The following GLT1D1 variants were observed in gnomAD, a reference collection of about 807,000 sequenced individuals.
GLT1D1 encodes glycosyltransferase 1 domain-containing protein 1.
Under a neutral mutation model 28.7 loss-of-function variants are expected in GLT1D1, and 21 were observed. That is an observed-to-expected ratio of 0.73 (90% CI 0.52 to 1.05). The LOEUF is 1.05. Among genes scored for constraint, GLT1D1 ranks in the 50% least tolerant of loss-of-function variants. GLT1D1 has a pLI of 0.00. For synonymous variants in GLT1D1, 147 were observed against 124.8 expected, an observed-to-expected ratio of 1.18 and a Z score of -1.19; for missense variants, 343 against 330.6, an observed-to-expected ratio of 1.04 and a Z score of -0.29.
chr12:128,872,151 A>G (rs1956706392), intron 1 of GLT1D1, among the ~76,000 whole-genome samples: 1 of 152,040 alleles, frequency 6.6e-6, no homozygotes, highest in Admixed American at 6.6e-5. Flanking sequence ...ACAGGGTTTC[A>G]CCATGTTGGT....
chr12:128,879,378 T>TTTTCTTTCTTTCTTTCTTTCTTTC lies in GLT1D1; in HGVS notation c.217+3376_217+3399dup, dbSNP rs572806857. ...AAAGTGATACTTATTATTTTTTTCT[T>TTTTCTTTCTTTCTTTCTTTCTTTC]TTTCTTTCTTTCTTTCTTTCTTTCT... is the stretch of plus-strand genomic sequence containing the variant. On this transcript the variant is annotated intron_variant, in intron 2 of 7. Transcript: ENST00000281703. Among the ~76,000 whole-genome samples, 263 of 69,866 alleles carry TTTTCTTTCTTTCTTTCTTTCTTTC rather than the reference T, an allele frequency of 3.8e-3. 4 individuals carry two copies. The highest frequency in any genetic ancestry group is 5.1e-3 in the East Asian group (12 of 2,340). The allele number at this position is 69,866 out of a possible 152,430, so 45.8% of individuals were successfully genotyped here. A position where few individuals can be genotyped will look rare whatever the true frequency, so the allele number is the denominator to read the frequency against.
chr12:128,951,382 G>C (rs73153458), intron 6 of GLT1D1, among the ~76,000 whole-genome samples: 9 of 152,116 alleles, frequency 5.9e-5, no homozygotes, highest in African/African-American at 2.2e-4. Flanking sequence ...CAGCCTGGGT[G>C]ACAGAGCGAG....
intron 4 of GLT1D1, among the ~76,000 whole-genome samples, chr12:128,910,926 C>T (rs1871449903): frequency 6.6e-6 from 1 of 151,970 alleles, no homozygotes; most frequent in African/African-American, 2.4e-5. Flanking sequence ...TACCCACCAC[C>T]TTCTTTATTT....
chr12:128,939,671 G>A (rs1400245298), intron 4 of GLT1D1, among the ~76,000 whole-genome samples: 2 of 152,150 alleles, frequency 1.3e-5, no homozygotes, highest in African/African-American at 4.8e-5. Flanking sequence ...AATGCCTCAG[G>A]AAACTTTCAA....
At chr12:128,934,154 T>TAGTACAAAAC (rs1874251327) in intron 4 of GLT1D1, among the ~76,000 whole-genome samples, 1 of 151,778 alleles carries the variant, frequency 6.6e-6, no homozygotes, top group Non-Finnish European at 1.5e-5. Context: ...CAGTGCCTCT[T>TAGTACAAAAC]AGTACAAAAC....
chr12:128,953,532 G>A (rs749505957), intron 6 of GLT1D1, among the ~76,000 whole-genome samples: 25 of 152,048 alleles, frequency 1.6e-4, no homozygotes, highest in Non-Finnish European at 2.9e-4. Context: ...TGTTGCTTGT[G>A]TTTTTGATGC....
chr12:128,951,821 T>C (rs2135503052), intron 6 of GLT1D1, among the ~76,000 whole-genome samples: 1 of 152,354 alleles, frequency 6.6e-6, no homozygotes, highest in East Asian at 1.9e-4. Context: ...GAGAGTTGAC[T>C]TCGGAACTAG....
intron 2 of GLT1D1, among the ~76,000 whole-genome samples, chr12:128,883,833 A>C (rs991600879): frequency 2.6e-5 from 4 of 152,150 alleles, no homozygotes; most frequent in Non-Finnish European, 5.9e-5. Flanking sequence ...ATATTAGAGC[A>C]AGGGGTGCAG....
chr12:128,955,661 G>A (rs1234099014), intron 6 of GLT1D1, among the ~76,000 whole-genome samples: 1 of 152,096 alleles, frequency 6.6e-6, no homozygotes, highest in East Asian at 1.9e-4. Flanking sequence ...TTGTCCTTGA[G>A]AACATACTGA....
Position 128,942,447 on chromosome 12 carries a change from G to A in GLT1D1, c.376-2879G>A, listed in dbSNP as rs553789180. Among the ~76,000 whole-genome samples, 5 of 152,188 alleles carry A rather than the reference G, an allele frequency of 3.3e-5. No individual in the cohort carries two copies. In the East Asian group the frequency reaches 9.6e-4, roughly 29 times the overall value. On this transcript the variant is annotated intron_variant, in intron 4 of 7. Coordinates refer to ENST00000281703, the MANE Select transcript of GLT1D1 (RefSeq NM_144669.3). The stretch of plus-strand genomic sequence containing the variant: ...AATTTTTAAAATATCAGAAGAAAAG[G>A]AAAATAAATTTTTTTCCCCAAAAAT...
intron 1 of GLT1D1, among the ~76,000 whole-genome samples, chr12:128,873,372 G>T (rs35465907): frequency 0.048 from 7,286 of 152,202 alleles, 258 homozygotes; most frequent in Middle Eastern, 0.099. Context: ...GCATTCTTTT[G>T]ATGGCAAAAG....
chr12:128,899,643 G>A (rs1222632901), intron 4 of GLT1D1, among the ~76,000 whole-genome samples: 2 of 149,550 alleles, frequency 1.3e-5, no homozygotes, highest in African/African-American at 4.9e-5. Flanking sequence ...TCCACCTCCC[G>A]GGTTCAAGCA....
At chr12:128,881,766 GT>G (rs2135813479) in intron 2 of GLT1D1, among the ~76,000 whole-genome samples, 2 of 150,374 alleles carry the variant, frequency 1.3e-5, no homozygotes, top group East Asian at 3.9e-4. Flanking sequence ...TTGCTCTGTA[GT>G]TTGTGTGTAT....
intron 1 of GLT1D1, among the ~76,000 whole-genome samples, chr12:128,865,737 G>A (rs547782158): frequency 7.6e-4 from 116 of 152,124 alleles, no homozygotes; most frequent in Middle Eastern, 3.4e-3. Context: ...CAGGAGAATC[G>A]CTTGAACCTG....
rs772301070 is a variant in GLT1D1 at position 128,983,061 on chromosome 12, A to C, written c.772A>C (p.Arg258=). The C allele has an allele frequency of 7.4e-6, 12 of 1,614,050 alleles. No homozygotes were observed. The highest frequency in any genetic ancestry group is 9.3e-6 in the Non-Finnish European group (11 of 1,180,032). ...AAGAGACACCTACCAACAGCTCATC[A>C]GGAAGCTGGAAGGAAGCACTGAAGA... Residue 258 remains arginine, a synonymous_variant, in exon 8 of 8, where the codon AGG becomes CGG. Transcript: ENST00000281703. The surrounding 1 kb of genome is among the most constrained non-coding windows in gnomAD (Gnocchi z 4.7).
chr12:128,901,731 G>A (rs896821423), intron 4 of GLT1D1, among the ~76,000 whole-genome samples: 2 of 151,472 alleles, frequency 1.3e-5, no homozygotes, highest in Non-Finnish European at 2.9e-5. Context: ...CACCATGCCT[G>A]GTCCCTCTTT....
intron 3 of GLT1D1, among the ~76,000 whole-genome samples, chr12:128,892,297 G>A (rs1869149097): frequency 6.6e-6 from 1 of 151,994 alleles, no homozygotes; most frequent in Non-Finnish European, 1.5e-5. Context: ...ACGTGTGAGT[G>A]TGCATGTGTG....
chr12:128,928,848 C>T (rs1873564871), intron 4 of GLT1D1, among the ~76,000 whole-genome samples: 1 of 152,038 alleles, frequency 6.6e-6, no homozygotes, highest in Admixed American at 6.5e-5. Flanking sequence ...TCTCAAACTC[C>T]CGACCTCAGG....
In GLT1D1 at chr12:128,940,817, C is replaced by T. The variant is rs142558594; in HGVS notation, c.376-4509C>T. ...AAGTTGAGGTGGAATTCACATGCCA[C>T]GAAATTCACCATTTTAGAGGGTACA... is the stretch of plus-strand genomic sequence containing the variant. On this transcript the variant is annotated intron_variant, in intron 4 of 7. Transcript: ENST00000281703. 1.2e-4 allele frequency among the ~76,000 whole-genome samples: 19 copies of T among 152,226 alleles called. No homozygotes were observed. In the East Asian group the frequency reaches 2.5e-3, roughly 20 times the overall value.
Sources: gnomAD v4.1 joint callset for allele counts (sites outside exome capture counted in the v4.1 genomes callset) on GRCh38, gnomAD v4.1.1 for gene constraint, Gnocchi (gnomAD v3.1) non-coding constraint, MANE v1.5 for transcripts, NCBI Gene and HGNC (gene_info 2026-07-23, HGNC 2026-07-21) for gene names.